Variants in ZBTB20 observed in about 807,000 individuals in gnomAD.
ZBTB20 encodes the protein zinc finger and BTB domain-containing protein 20.
In ZBTB20, 9 loss-of-function variants were observed where a neutral mutation model predicts 56.9. The observed-to-expected ratio is 0.16, with a 90% CI of 0.10 to 0.28. ZBTB20 has a LOEUF of 0.28. ZBTB20 is among the 10% of genes least tolerant of loss of function. ZBTB20 has a pLI of 1.00. For synonymous variants in ZBTB20, 417 were observed against 420.7 expected (o/e 0.99, Z 0.11); for missense variants, 655 against 1,003.0 (o/e 0.65, Z 4.69).
At chr3:114,477,965 C>T (rs1384879818) in intron 7 of ZBTB20, among the ~76,000 whole-genome samples, 1 of 124,422 alleles carries the variant, frequency 8.0e-6, no homozygotes, top group Non-Finnish European at 1.7e-5. Flanking sequence ...CACCCTCCCT[C>T]TCTCTCTCTC....
chr3:114,474,201 G>T (rs958200044), intron 7 of ZBTB20, among the ~76,000 whole-genome samples: 1 of 152,214 alleles, frequency 6.6e-6, no homozygotes, highest in South Asian at 2.1e-4. Context: ...TCAAGAGGAG[G>T]TTTGGGTGGG....
intron 1 of ZBTB20, among the ~76,000 whole-genome samples, chr3:115,131,648 G>A (rs1405885366): frequency 6.6e-6 from 1 of 152,142 alleles, no homozygotes; most frequent in African/African-American, 2.4e-5. Context: ...AGACTGCCAG[G>A]TTAAAGTATT....
intron 7 of ZBTB20, among the ~76,000 whole-genome samples, chr3:114,486,468 G>A (rs2042164711): frequency 1.3e-5 from 2 of 152,174 alleles, no homozygotes; most frequent in Admixed American, 1.3e-4. Context: ...GAAAGGTACT[G>A]TTATAAAACT....
At chr3:114,714,606 T>G (rs1321691155) in intron 5 of ZBTB20, among the ~76,000 whole-genome samples, 1 of 151,962 alleles carries the variant, frequency 6.6e-6, no homozygotes, top group Non-Finnish European at 1.5e-5. Flanking sequence ...TTCTTCATCA[T>G]CTTCTTTTCC....
At chr3:114,777,885 C>T (rs1370408482) in intron 5 of ZBTB20, among the ~76,000 whole-genome samples, 5 of 151,770 alleles carry the variant, frequency 3.3e-5, no homozygotes. Context: ...GAAAATGTGG[C>T]ACATATACAC....
At chr3:114,920,713 C>T (rs1021683702) in intron 3 of ZBTB20, among the ~76,000 whole-genome samples, 1 of 151,684 alleles carries the variant, frequency 6.6e-6, no homozygotes, top group Non-Finnish European at 1.5e-5. Flanking sequence ...GAACAAAGTG[C>T]ACAAAGTCAG....
chr3:114,638,104 C>A (rs1028205439), intron 6 of ZBTB20, among the ~76,000 whole-genome samples: 1 of 152,020 alleles, frequency 6.6e-6, no homozygotes, highest in African/African-American at 2.4e-5. Flanking sequence ...CTCTAATTTG[C>A]TTGCTTCTCT....
chr3:114,967,446 C>T (rs988887401), intron 3 of ZBTB20, among the ~76,000 whole-genome samples: 1 of 152,172 alleles, frequency 6.6e-6, no homozygotes, highest in African/African-American at 2.4e-5. Context: ...CTTTCTATCT[C>T]AGTATCTTCA....
intron 6 of ZBTB20, among the ~76,000 whole-genome samples, chr3:114,577,492 A>G (rs1055845851): frequency 2.2e-4 from 33 of 152,242 alleles, no homozygotes; most frequent in African/African-American, 7.7e-4. Flanking sequence ...AAAATCACAG[A>G]AACACAGTCA....
At chr3:114,682,962 C>T (rs1012847774) in intron 6 of ZBTB20, among the ~76,000 whole-genome samples, 1 of 152,066 alleles carries the variant, frequency 6.6e-6, no homozygotes, top group Admixed American at 6.6e-5. Flanking sequence ...GTATTTTCTG[C>T]GGGAACAAAT....
intron 5 of ZBTB20, among the ~76,000 whole-genome samples, chr3:114,730,204 T>TTG (rs140060489): frequency 0.017 from 2,542 of 150,490 alleles, 27 homozygotes; most frequent in South Asian, 0.042. Context: ...TGTTGCAATT[T>TTG]TGTGTGTGTG....
intron 7 of ZBTB20, among the ~76,000 whole-genome samples, chr3:114,402,627 CA>C (rs1169902614): frequency 6.6e-6 from 1 of 152,156 alleles, no homozygotes; most frequent in African/African-American, 2.4e-5. Flanking sequence ...ACGAGGATCA[CA>C]GAGGTGGAAC....
chr3:115,020,844 T>C (rs1284284122), intron 2 of ZBTB20, among the ~76,000 whole-genome samples: 1 of 151,080 alleles, frequency 6.6e-6, no homozygotes, highest in Non-Finnish European at 1.5e-5. Context: ...GACTCTACAT[T>C]GAATAGCTTT....
intron 7 of ZBTB20, among the ~76,000 whole-genome samples, chr3:114,415,019 A>G (rs1367027327): frequency 2.0e-5 from 3 of 151,664 alleles, no homozygotes; most frequent in African/African-American, 7.3e-5. Flanking sequence ...CATAGCTTTC[A>G]CAAATGTTCC....
At chr3:114,623,279 TG>T (rs2058445247) in intron 6 of ZBTB20, among the ~76,000 whole-genome samples, 1 of 152,190 alleles carries the variant, frequency 6.6e-6, no homozygotes, top group Admixed American at 6.6e-5. Flanking sequence ...TGGACTCCTC[TG>T]CCAGTCTCAC....
intron 4 of ZBTB20, among the ~76,000 whole-genome samples, chr3:114,826,209 A>C (rs2073517256): frequency 6.6e-6 from 1 of 151,718 alleles, no homozygotes; most frequent in African/African-American, 2.4e-5. Context: ...TGAATTGAGA[A>C]ATGAATCATA....
At chr3:115,078,267 T>C (rs1388367001) in intron 1 of ZBTB20, among the ~76,000 whole-genome samples, 1 of 152,204 alleles carries the variant, frequency 6.6e-6, no homozygotes, top group East Asian at 1.9e-4. Flanking sequence ...TTGTTTTTGA[T>C]ATGAATGAAT....
At chr3:114,769,585 ATATATATATAT>A (rs2069045447) in intron 5 of ZBTB20, among the ~76,000 whole-genome samples, 1 of 117,950 alleles carries the variant, frequency 8.5e-6, no homozygotes, top group Non-Finnish European at 1.8e-5. Flanking sequence ...ATATATATAT[ATATATATATAT>A]AATGGAATAC....
intron 6 of ZBTB20, among the ~76,000 whole-genome samples, chr3:114,659,923 T>C (rs1210584663): frequency 2.0e-5 from 3 of 152,160 alleles, no homozygotes; most frequent in Non-Finnish European, 4.4e-5. Context: ...CTTCTTTGCT[T>C]GTCCAAGACT....
Sources: allele counts gnomAD v4.1 joint callset (sites outside exome capture counted in the v4.1 genomes callset), GRCh38; gene constraint gnomAD v4.1.1; transcripts MANE v1.5; gene names NCBI Gene and HGNC (gene_info 2026-07-23, HGNC 2026-07-21).